PTPRD: variants seen among roughly 807,000 people sequenced by gnomAD.
The protein encoded by PTPRD is receptor-type tyrosine-protein phosphatase delta.
Under a neutral mutation model 214.5 loss-of-function variants are expected in PTPRD, and 34 were observed. The observed-to-expected ratio is 0.16, with a 90% CI of 0.12 to 0.21. The LOEUF (loss-of-function observed/expected upper bound fraction) is 0.21, where lower values mean the gene tolerates loss of function less well. PTPRD is among the 10% of genes least tolerant of loss of function. PTPRD has a pLI of 1.00. For missense variants in PTPRD, 2,545 were observed against 2,398.7 expected, an observed-to-expected ratio of 1.06 and a Z score of -1.27; for synonymous variants, 1,128 against 845.7, an observed-to-expected ratio of 1.33 and a Z score of -5.79.
At chr9:9,673,438 T>G (rs1276606349) in intron 7 of PTPRD, among the ~76,000 whole-genome samples, 1 of 151,826 alleles carries the variant, frequency 6.6e-6, no homozygotes. Context: ...GTAAGAAATG[T>G]AACTCTTGAA....
chr9:10,086,011 G>A (rs965765834), intron 3 of PTPRD, among the ~76,000 whole-genome samples: 1 of 151,722 alleles, frequency 6.6e-6, no homozygotes. Flanking sequence ...GCAATTTAAT[G>A]ACTATATGAC....
intron 2 of PTPRD, among the ~76,000 whole-genome samples, chr9:10,602,075 T>C (rs2078114789): frequency 6.6e-6 from 1 of 151,774 alleles, no homozygotes; most frequent in South Asian, 2.1e-4. Flanking sequence ...TTTTATATAT[T>C]TTAACTTCCG....
chr9:9,321,623 A>C (rs905995964), intron 9 of PTPRD, among the ~76,000 whole-genome samples: 1 of 152,138 alleles, frequency 6.6e-6, no homozygotes, highest in Non-Finnish European at 1.5e-5. Flanking sequence ...CATAAAACAC[A>C]TTCTAAGAAG....
At chr9:9,864,730 G>A (rs1359621138) in intron 5 of PTPRD, among the ~76,000 whole-genome samples, 1 of 151,912 alleles carries the variant, frequency 6.6e-6, no homozygotes, top group African/African-American at 2.4e-5. Context: ...TGTTGCCTAG[G>A]CTTGAACTGC....
At chr9:9,165,328 G>T (rs146301554) in intron 10 of PTPRD, among the ~76,000 whole-genome samples, 158 of 152,284 alleles carry the variant, frequency 1.0e-3, no homozygotes, top group Non-Finnish European at 2.0e-3. Context: ...TAATTTTGAG[G>T]AGAGAAGGAA....
rs145318782 is a variant in PTPRD, at chr9:8,623,132, C to A, written c.352+10185G>T. 3.7e-3 allele frequency among the ~76,000 whole-genome samples: 558 copies of A among 151,938 alleles called. 3 individuals carry two copies. The highest frequency in any genetic ancestry group is 0.013 in the African/African-American group (537 of 41,470). On this transcript the variant is annotated intron_variant, in intron 14 of 45. Transcript: ENST00000381196. ...CACCACTGCATTCCAGCCTGGATGACAAAGTGGTACCCTGTCTCTAAAAAA... is the reference window on the plus strand; with the variant it reads ...CACCACTGCATTCCAGCCTGGATGAAAAAGTGGTACCCTGTCTCTAAAAAA...
At chr9:10,461,487 G>A (rs1009624786) in intron 2 of PTPRD, among the ~76,000 whole-genome samples, 5 of 151,876 alleles carry the variant, frequency 3.3e-5, no homozygotes, top group Admixed American at 6.6e-5. Context: ...CATAGTTTAT[G>A]AACATTATTC....
intron 3 of PTPRD, among the ~76,000 whole-genome samples, chr9:10,189,013 CT>C (rs916454118): frequency 6.0e-4 from 89 of 148,108 alleles, no homozygotes; most frequent in South Asian, 1.5e-3. Context: ...GTTTCCATTA[CT>C]TTTTTTTTTT....
At chr9:8,506,829 T>A (rs1274382981) in intron 22 of PTPRD, among the ~76,000 whole-genome samples, 2 of 152,226 alleles carry the variant, frequency 1.3e-5, no homozygotes, top group Non-Finnish European at 2.9e-5. Flanking sequence ...AAATACTTTT[T>A]AGCAAACAAA....
intron 2 of PTPRD, among the ~76,000 whole-genome samples, chr9:10,598,403 G>A (rs17204715): frequency 0.13 from 19,177 of 151,712 alleles, 1,608 homozygotes; most frequent in Non-Finnish European, 0.19. Flanking sequence ...CAGCAGCATG[G>A]AAGGGACATA....
intron 7 of PTPRD, among the ~76,000 whole-genome samples, chr9:9,631,396 C>A (rs2095589262): frequency 6.6e-6 from 1 of 152,032 alleles, no homozygotes; most frequent in African/African-American, 2.4e-5. Flanking sequence ...TTTTGGCATG[C>A]ACATTCAGCC....
intron 10 of PTPRD, among the ~76,000 whole-genome samples, chr9:9,178,955 A>T (rs2099926534): frequency 6.6e-6 from 1 of 152,050 alleles, no homozygotes; most frequent in Non-Finnish European, 1.5e-5. Flanking sequence ...TCTCTTTTAG[A>T]GACCTGAATA....
At chr9:10,548,521 T>C (rs1349652668) in intron 2 of PTPRD, among the ~76,000 whole-genome samples, 1 of 152,142 alleles carries the variant, frequency 6.6e-6, no homozygotes, top group Non-Finnish European at 1.5e-5. Context: ...TGTGAAAGCC[T>C]GGAAAAGTGA....
At chr9:8,499,957 T>C in intron 24 of PTPRD, 117 bp from the exon 25 acceptor site, 4 of 757,288 alleles carry the variant, frequency 5.3e-6, no homozygotes, top group South Asian at 2.9e-5. Context: ...ACCCACTATG[T>C]TTTCTTTGAA....
At chr9:10,181,928 T>C (rs1225742205) in intron 3 of PTPRD, among the ~76,000 whole-genome samples, 1 of 127,872 alleles carries the variant, frequency 7.8e-6, no homozygotes, top group Non-Finnish European at 1.6e-5. Flanking sequence ...AATATGACTA[T>C]GTATCATAAA....
intron 14 of PTPRD, among the ~76,000 whole-genome samples, chr9:8,631,308 T>C (rs1401873199): frequency 6.6e-6 from 1 of 151,916 alleles, no homozygotes; most frequent in African/African-American, 2.4e-5. Context: ...CCTTTTCAAA[T>C]ATTTTAAATA....
chr9:8,482,727 C>G (rs879765120), intron 30 of PTPRD, among the ~76,000 whole-genome samples: 2 of 152,058 alleles, frequency 1.3e-5, no homozygotes, highest in Non-Finnish European at 2.9e-5. Flanking sequence ...CTGGGTATAC[C>G]CTTGGCTCTT....
At chr9:10,545,440 A>C (rs1340184384) in intron 2 of PTPRD, among the ~76,000 whole-genome samples, 1 of 152,186 alleles carries the variant, frequency 6.6e-6, no homozygotes, top group Non-Finnish European at 1.5e-5. Flanking sequence ...AGGCCTTAAT[A>C]CAATCTGGTT....
At chr9:9,320,287 T>C (rs974257904) in intron 9 of PTPRD, among the ~76,000 whole-genome samples, 6 of 152,070 alleles carry the variant, frequency 3.9e-5, no homozygotes, top group African/African-American at 1.4e-4. Flanking sequence ...TCATCACCCA[T>C]AGACAATACG....
Sources: allele counts gnomAD v4.1 joint callset (sites outside exome capture counted in the v4.1 genomes callset), GRCh38; gene constraint gnomAD v4.1.1; transcripts MANE v1.5; gene names NCBI Gene and HGNC (gene_info 2026-07-23, HGNC 2026-07-21).